The following PPARGC1A variants were observed in gnomAD, a reference collection of about 807,000 sequenced individuals.
PPARGC1A encodes the protein PPARG coactivator 1 alpha.
In PPARGC1A, 25 loss-of-function variants were observed where a neutral mutation model predicts 88.7. The ratio of observed to expected loss-of-function variants is 0.28; its 90% CI spans 0.21 to 0.39. PPARGC1A has a LOEUF of 0.39. Among genes scored for constraint, PPARGC1A ranks in the 10% least tolerant of loss-of-function variants. PPARGC1A has a pLI of 1.00. For synonymous variants in PPARGC1A, 363 were observed against 355.6 expected (o/e 1.02, Z -0.24); for missense variants, 880 against 968.7 (o/e 0.91, Z 1.22).
the PPARGC1A span, among the ~76,000 whole-genome samples, chr4:24,113,297 C>T: frequency 6.7e-6 from 1 of 148,736 alleles, no homozygotes; most frequent in Non-Finnish European, 1.5e-5. Context: ...TGGATGGATG[C>T]ATGGATGGAT....
the PPARGC1A span, among the ~76,000 whole-genome samples, chr4:24,107,731 A>C: frequency 6.6e-6 from 1 of 152,196 alleles, no homozygotes; most frequent in Non-Finnish European, 1.5e-5. Flanking sequence ...TTGGTTCTGC[A>C]GGCAATAGGG....
chr4:23,798,167 C>T (rs1021795670), intron 12 of PPARGC1A, among the ~76,000 whole-genome samples: 2 of 152,140 alleles, frequency 1.3e-5, no homozygotes, highest in East Asian at 1.9e-4. Context: ...TCAGACTCAG[C>T]CCGCCTGCAC....
At chr4:24,355,069 C>T in the PPARGC1A span, among the ~76,000 whole-genome samples, 5 of 152,136 alleles carry the variant, frequency 3.3e-5, no homozygotes, top group African/African-American at 9.7e-5. Flanking sequence ...GGTCAGCTTC[C>T]ATCAGAAAGT....
the PPARGC1A span, among the ~76,000 whole-genome samples, chr4:24,127,355 C>T: frequency 6.6e-6 from 1 of 151,924 alleles, no homozygotes; most frequent in Non-Finnish European, 1.5e-5. Context: ...ATAGCCTTTT[C>T]ACGCCATAAG....
chr4:24,351,480 G>A, the PPARGC1A span, among the ~76,000 whole-genome samples: 4 of 151,914 alleles, frequency 2.6e-5, no homozygotes, highest in East Asian at 3.9e-4. Flanking sequence ...CAAAATTTCC[G>A]AGCAGAAGAG....
chr4:24,425,673 G>A, the PPARGC1A span, among the ~76,000 whole-genome samples: 2 of 152,110 alleles, frequency 1.3e-5, no homozygotes, highest in East Asian at 1.9e-4. Context: ...CCAATATAAC[G>A]AAGCCTGCTG....
At chr4:23,837,779 A>C (rs982038920) in intron 2 of PPARGC1A, among the ~76,000 whole-genome samples, 2 of 152,226 alleles carry the variant, frequency 1.3e-5, no homozygotes, top group African/African-American at 4.8e-5. Context: ...AAATAACTAC[A>C]TGGGAAAGCA....
chr4:24,156,738 T>TC, the PPARGC1A span, among the ~76,000 whole-genome samples: 1 of 132,738 alleles, frequency 7.5e-6, no homozygotes, highest in African/African-American at 3.4e-5. Flanking sequence ...CTCTCTCTCT[T>TC]TTTTTTTTTT....
the PPARGC1A span, among the ~76,000 whole-genome samples, chr4:24,409,672 C>A: frequency 6.6e-6 from 1 of 152,064 alleles, no homozygotes; most frequent in Non-Finnish European, 1.5e-5. Flanking sequence ...GTTTCTTCAC[C>A]AGGGAGGATG....
chr4:23,991,927 A>C, the PPARGC1A span, among the ~76,000 whole-genome samples: 1 of 152,286 alleles, frequency 6.6e-6, no homozygotes, highest in Admixed American at 6.5e-5. Flanking sequence ...TCAAAGCACG[A>C]AACAGTTTGC....
At chr4:24,422,900 C>T in the PPARGC1A span, among the ~76,000 whole-genome samples, 1 of 152,292 alleles carries the variant, frequency 6.6e-6, no homozygotes, top group African/African-American at 2.4e-5. Context: ...CGTTCTAATC[C>T]ACAGGTCAGC....
the PPARGC1A span, among the ~76,000 whole-genome samples, chr4:24,289,426 T>C: frequency 6.6e-6 from 1 of 152,072 alleles, no homozygotes; most frequent in Non-Finnish European, 1.5e-5. Flanking sequence ...CAATCCTGCC[T>C]CCTCCAACCC....
At position 23,795,294 on chromosome 4, in the gene PPARGC1A, TA is replaced by T. The variant is rs1560303385; in HGVS notation, c.*527del. 12 of 1,824 alleles carry T rather than the reference TA, an allele frequency of 6.6e-3. No homozygotes were observed. The Admixed American group carries it at 0.085, about 13-fold the overall frequency. The allele number at this position is 1,824 out of a possible 1,614,324, so 0.1% of individuals were successfully genotyped here. On this transcript the variant is annotated 3_prime_UTR_variant, in exon 13 of 13. Transcript: ENST00000264867. ...TTAGTTTTCTTTCCTTTTTAATTTA[TA>T]TATATATATATATATATATATATAT...
the PPARGC1A span, among the ~76,000 whole-genome samples, chr4:24,378,638 T>C: frequency 6.6e-6 from 1 of 152,348 alleles, no homozygotes; most frequent in East Asian, 1.9e-4. Flanking sequence ...AAAGAGTTGA[T>C]GTTACTTTGA....
At chr4:24,410,843 C>G in the PPARGC1A span, among the ~76,000 whole-genome samples, 1 of 152,146 alleles carries the variant, frequency 6.6e-6, no homozygotes, top group Non-Finnish European at 1.5e-5. Flanking sequence ...GGCTCCCAGG[C>G]CTTTGGCCAC....
the PPARGC1A span, among the ~76,000 whole-genome samples, chr4:24,456,940 C>G: frequency 6.6e-6 from 1 of 152,050 alleles, no homozygotes; most frequent in Admixed American, 6.5e-5. Flanking sequence ...TTCCTGCACA[C>G]GCAGATGCTG....
chr4:24,185,102 A>G, the PPARGC1A span, among the ~76,000 whole-genome samples: 3 of 152,222 alleles, frequency 2.0e-5, no homozygotes, highest in Non-Finnish European at 4.4e-5. Context: ...ATTCTCCTCA[A>G]ACACAGGCAT....
upstream of PPARGC1A, among the ~76,000 whole-genome samples, chr4:23,907,712 A>G (rs544473748): frequency 6.6e-6 from 1 of 150,918 alleles, no homozygotes; most frequent in African/African-American, 2.5e-5. Flanking sequence ...TTCGCACTAT[A>G]TAAATGCCCT....
chr4:24,319,364 A>G, the PPARGC1A span, among the ~76,000 whole-genome samples: 3 of 152,190 alleles, frequency 2.0e-5, no homozygotes, highest in Admixed American at 2.0e-4. Flanking sequence ...AAAAATAAAG[A>G]AACTCATTCA....
Sources: gnomAD v4.1 joint callset for allele counts (sites outside exome capture counted in the v4.1 genomes callset) on GRCh38, gnomAD v4.1.1 for gene constraint, MANE v1.5 for transcripts, NCBI Gene and HGNC (gene_info 2026-07-23, HGNC 2026-07-21) for gene names.